IL12RB1: variants seen among roughly 807,000 people sequenced by gnomAD.
IL12RB1 encodes the protein interleukin 12 receptor subunit beta 1.
Under a neutral mutation model 94.4 loss-of-function variants are expected in IL12RB1, and 64 were observed. That is an observed-to-expected ratio of 0.68 (90% confidence interval 0.55 to 0.83). IL12RB1 has a LOEUF of 0.83. Ranked by LOEUF, IL12RB1 falls within the 40% of genes least tolerant of loss-of-function variation. The pLI, the probability that IL12RB1 is intolerant of heterozygous loss-of-function variation, is 0.00. For synonymous variants in IL12RB1, 362 were observed against 355.5 expected (o/e 1.02, Z -0.21); for missense variants, 814 against 855.6 (o/e 0.95, Z 0.61).
chr19:18,096,592 T>C (rs971871592), intron 1 of IL12RB1, among the ~76,000 whole-genome samples: 1 of 152,016 alleles, frequency 6.6e-6, no homozygotes, highest in Non-Finnish European at 1.5e-5. Context: ...CCCAGAACTT[T>C]GGGAGGCTAA....
At chr19:18,097,630 G>A (rs2037062033) in intron 1 of IL12RB1, among the ~76,000 whole-genome samples, 3 of 152,102 alleles carry the variant, frequency 2.0e-5, no homozygotes, top group African/African-American at 4.8e-5. Flanking sequence ...TGGAGGGGCG[G>A]GGCCAGCTCG....
upstream of IL12RB1, among the ~76,000 whole-genome samples, chr19:18,089,229 G>A (rs545652144): frequency 2.6e-5 from 4 of 152,186 alleles, no homozygotes; most frequent in Admixed American, 1.3e-4. Flanking sequence ...TGATGTATGC[G>A]GGGTTTCCTT....
upstream of IL12RB1, among the ~76,000 whole-genome samples, chr19:18,091,124 G>A (rs77681705): frequency 3.6e-3 from 541 of 152,242 alleles, 2 homozygotes; most frequent in African/African-American, 0.012. Context: ...AGCTGGAGGG[G>A]TACCCCAGAC....
At chr19:18,083,053 A>C in intron 2 of IL12RB1, 4 of 358,356 alleles carry the variant, frequency 1.1e-5, no homozygotes, top group Non-Finnish European at 2.2e-5. Context: ...ACTGCACTCC[A>C]ACCTGGGCAG....
rs373566363 is a variant in IL12RB1, at chr19:18,086,832, C to A, written c.-9G>T. Reference sequence around the variant, plus strand: ...GTCACCAGCGGCTCCATCGGATCCACGTAGAGCCCCACAGCCCCAGGGGAG... The same window carrying A: ...GTCACCAGCGGCTCCATCGGATCCAAGTAGAGCCCCACAGCCCCAGGGGAG... On this transcript the variant is annotated 5_prime_UTR_variant, in exon 1 of 17. Coordinates refer to ENST00000593993, the MANE Select transcript of IL12RB1 (RefSeq NM_005535.3). 17 of 1,608,284 alleles carry A rather than the reference C, an allele frequency of 1.1e-5. No individual in the cohort carries two copies. Among genetic ancestry groups the A allele is most frequent in the Non-Finnish European group, 1.4e-5 (17 of 1,177,680 alleles).
Position 18,072,359 on chromosome 19 carries a change from G to A in IL12RB1, c.784-10C>T. 3 of 1,581,778 alleles carry A rather than the reference G, an allele frequency of 1.9e-6. No homozygotes were observed. Among genetic ancestry groups the A allele is most frequent in the Non-Finnish European group, 2.6e-6 (3 of 1,150,670 alleles). The stretch of plus-strand genomic sequence containing the variant: ...GCTCCAGCTGGGTTGGCTGTCAGGA[G>A]TATGAAAGACAGCTTGTGGGTACCT... On this transcript the variant is annotated splice_polypyrimidine_tract_variant and intron_variant, in intron 8 of 16. Transcript: ENST00000593993.
intron 1 of IL12RB1, among the ~76,000 whole-genome samples, chr19:18,084,117 A>G (rs930443276): frequency 1.3e-5 from 2 of 150,264 alleles, no homozygotes; most frequent in African/African-American, 4.9e-5. Flanking sequence ...CCATCCACGC[A>G]TCTACCCATC....
At chr19:18,084,047 C>T (rs2036128799) in intron 1 of IL12RB1, among the ~76,000 whole-genome samples, 1 of 150,620 alleles carries the variant, frequency 6.6e-6, no homozygotes, top group Non-Finnish European at 1.5e-5. Context: ...ATCCATCCAC[C>T]CCACCATCCA....
rs575324388 is a variant in IL12RB1 at position 18,075,662 on chromosome 19, G to A, written c.700+87C>T. ...TCCTCCCGCCTCAGCCTTCTGAGCA[G>A]CTGGAACTACAGGTGTGCACCACCA... On this transcript the variant is annotated intron_variant, in intron 7 of 16. Transcript: ENST00000593993. 3.8e-5 allele frequency: 46 copies of A among 1,214,798 alleles called. No individual in the cohort carries two copies. In the South Asian group the frequency reaches 5.2e-4, roughly 14 times the overall value. The allele number at this position is 1,214,798 out of a possible 1,614,324, so 75.3% of individuals were successfully genotyped here.
At chr19:18,083,209 A>C (rs2036036406) in intron 2 of IL12RB1, 1 of 635,028 alleles carries the variant, frequency 1.6e-6, no homozygotes, top group East Asian at 2.7e-5. Flanking sequence ...CAGCCCTGAG[A>C]CCATGCTAGG....
chr19:18,096,619 G>A (rs1883806418), intron 1 of IL12RB1, among the ~76,000 whole-genome samples: 1 of 152,034 alleles, frequency 6.6e-6, no homozygotes, highest in Admixed American at 6.6e-5. Flanking sequence ...TGAATCACCT[G>A]AGGCCAGGAG....
At chr19:18,088,477 T>C (rs1447696312), upstream of IL12RB1, among the ~76,000 whole-genome samples, 4 of 150,186 alleles carry the variant, frequency 2.7e-5, no homozygotes, top group Non-Finnish European at 3.0e-5. Context: ...GGTGGGAGAA[T>C]GGCTTGAACC....
chr19:18,084,440 AC>A (rs1230297064), intron 1 of IL12RB1, among the ~76,000 whole-genome samples: 3 of 148,118 alleles, frequency 2.0e-5, no homozygotes, highest in African/African-American at 5.0e-5. Flanking sequence ...CCCACCATCC[AC>A]CCATTCACCC....
At chr19:18,064,825 C>T (rs188052340) in intron 12 of IL12RB1, among the ~76,000 whole-genome samples, 76 of 152,208 alleles carry the variant, frequency 5.0e-4, no homozygotes, top group African/African-American at 1.8e-3. Context: ...CAGGATTGGA[C>T]TCTGGAGGCA....
At chr19:18,085,873 T>G (rs1322378216) in intron 1 of IL12RB1, among the ~76,000 whole-genome samples, 2 of 151,382 alleles carry the variant, frequency 1.3e-5, no homozygotes. Flanking sequence ...CCTCCCATAG[T>G]GCTGGATTTT....
chr19:18,081,083 A>G (rs1034038547), intron 3 of IL12RB1, 82 bp from the exon 4 acceptor site: 32 of 1,299,420 alleles, frequency 2.5e-5, no homozygotes, highest in Non-Finnish European at 3.3e-5. Context: ...ACATCCCAGC[A>G]TCGTTTTTTT....
chr19:18,092,537 G>A (rs2146581001), intron 1 of IL12RB1, among the ~76,000 whole-genome samples: 1 of 152,146 alleles, frequency 6.6e-6, no homozygotes, highest in South Asian at 2.1e-4. Context: ...AGGCATGGTG[G>A]CACGCGCCTG....
intron 9 of IL12RB1, among the ~76,000 whole-genome samples, 199 bp from the exon 10 acceptor site, chr19:18,069,912 G>GT (rs971434907): frequency 1.5e-3 from 219 of 150,540 alleles, no homozygotes; most frequent in African/African-American, 4.3e-3. Flanking sequence ...GATGGCGTTT[G>GT]TTTTTTTTTG....
rs202206502 is a variant in IL12RB1, at chr19:18,083,456, G to A, written c.100C>T (p.Pro34Ser). 1.5e-5 allele frequency: 25 copies of A among 1,614,042 alleles called. No homozygotes were observed. Among genetic ancestry groups the A allele is most frequent in the Non-Finnish European group, 1.9e-5 (23 of 1,179,986 alleles). Reference protein sequence around the residue: ...CRTSECCFQDPPYPDADSGSA... With the variant: ...CRTSECCFQDSPYPDADSGSA... ...CCTGAGTCTGCATCCGGATATGGCGGGTCCTGAAAACAGCACTCACTGGTT... is the reference window on the plus strand; with the variant it reads ...CCTGAGTCTGCATCCGGATATGGCGAGTCCTGAAAACAGCACTCACTGGTT... Residue 34 changes from proline to serine, a missense_variant, in exon 2 of 17, where the codon CCG (proline) becomes TCG (serine). Pro to Ser is a moderately conservative substitution (Grantham distance 74, BLOSUM62 -1). Coordinates refer to ENST00000593993, the MANE Select transcript of IL12RB1 (RefSeq NM_005535.3).
Sources: allele counts gnomAD v4.1 joint callset (sites outside exome capture counted in the v4.1 genomes callset), GRCh38; gene constraint gnomAD v4.1.1; transcripts MANE v1.5; gene names NCBI Gene and HGNC (gene_info 2026-07-23, HGNC 2026-07-21).